Variants in ATP2B1 observed in about 807,000 individuals in gnomAD.
The protein encoded by ATP2B1 is plasma membrane calcium-transporting ATPase 1.
Under a neutral mutation model 124.2 loss-of-function variants are expected in ATP2B1, and 14 were observed. The ratio of observed to expected loss-of-function variants is 0.11; its 90% CI spans 0.07 to 0.18. ATP2B1 has a LOEUF of 0.18. ATP2B1 is among the 10% of genes least tolerant of loss of function. The pLI is 1.00. For missense variants in ATP2B1, 763 were observed against 1,466.1 expected, an observed-to-expected ratio of 0.52 and a Z score of 7.83; for synonymous variants, 449 against 492.4, an observed-to-expected ratio of 0.91 and a Z score of 1.17.
intron 12 of ATP2B1, among the ~76,000 whole-genome samples, chr12:89,613,633 G>T (rs1057448809): frequency 1.3e-5 from 2 of 152,090 alleles, no homozygotes; most frequent in African/African-American, 4.8e-5. Context: ...TTAAATTTTT[G>T]TATCTAAGCA....
chr12:89,598,039 C>CAAAAAAAAAAAAAAAAAAAAAA (rs10661138), intron 20 of ATP2B1, among the ~76,000 whole-genome samples: 1 of 60,526 alleles, frequency 1.7e-5, no homozygotes, highest in Non-Finnish European at 2.8e-5. Flanking sequence ...CACAACCAAG[C>CAAAAAAAAAAAAAAAAAAAAAA]AAAAAAAAAA....
intron 15 of ATP2B1, 52 bp downstream of exon 15, chr12:89,609,885 A>G: frequency 6.5e-7 from 1 of 1,536,798 alleles, no homozygotes; most frequent in South Asian, 1.1e-5. Context: ...CAAACAAACA[A>G]ACAAACCAGT....
chr12:89,609,325 A>T (rs1398525494), intron 15 of ATP2B1, among the ~76,000 whole-genome samples: 1 of 152,184 alleles, frequency 6.6e-6, no homozygotes, highest in African/African-American at 2.4e-5. Flanking sequence ...TTTGCAATCA[A>T]ATGAGTCTGC....
intron 1 of ATP2B1, among the ~76,000 whole-genome samples, chr12:89,687,848 A>C (rs1890139117): frequency 6.6e-6 from 1 of 152,126 alleles, no homozygotes; most frequent in South Asian, 2.1e-4. Context: ...GAACCATTAA[A>C]ACATATCCAA....
chr12:89,608,931 G>A lies in ATP2B1; in HGVS notation c.2442+1006C>T, dbSNP rs147945561. Among the ~76,000 whole-genome samples the A allele has an allele frequency of 2.3e-3, 355 of 152,204 alleles. 2 individuals are homozygous for A. The highest frequency in any genetic ancestry group is 8.0e-3 in the African/African-American group (333 of 41,534). On this transcript the variant is annotated intron_variant, in intron 15 of 20. Coordinates refer to ENST00000428670, the MANE Select transcript of ATP2B1 (RefSeq NM_001366521.1). Reference sequence around the variant, plus strand: ...ATTTAAATTTGGGATGGGGTAGGGCGGGGGATCTTTGGATTCCCTGCTTTT... The same window carrying A: ...ATTTAAATTTGGGATGGGGTAGGGCAGGGGATCTTTGGATTCCCTGCTTTT...
chr12:89,643,065 T>TATACACACACAC (rs1555201598), intron 2 of ATP2B1, among the ~76,000 whole-genome samples: 2 of 143,640 alleles, frequency 1.4e-5, no homozygotes, highest in African/African-American at 5.2e-5. Flanking sequence ...TAAAGATACA[T>TATACACACACAC]ACACACACAC....
At chr12:89,672,188 C>T (rs1465498192) in intron 1 of ATP2B1, among the ~76,000 whole-genome samples, 1 of 152,192 alleles carries the variant, frequency 6.6e-6, no homozygotes, top group African/African-American at 2.4e-5. Context: ...GGTGCAGTGG[C>T]TCACGCCTGT....
In ATP2B1 at chr12:89,698,090, C is replaced by T. The variant is rs1479857312; in HGVS notation, c.-222+10506G>A. On this transcript the variant is annotated intron_variant, in intron 1 of 20. Coordinates refer to ENST00000428670, the MANE Select transcript of ATP2B1 (RefSeq NM_001366521.1). ...TTCACCATTTTGGCCAGGCTGGTCT[C>T]GAACTCCTGACCTCAAGTGATCCAC... Among the ~76,000 whole-genome samples the T allele has an allele frequency of 5.3e-5, 8 of 151,998 alleles. 1 individual carries two copies. The highest frequency in any genetic ancestry group is 1.3e-4 in the Admixed American group (2 of 15,260).
At chr12:89,595,449 TA>T (rs1324144285) in intron 20 of ATP2B1, among the ~76,000 whole-genome samples, 1 of 152,086 alleles carries the variant, frequency 6.6e-6, no homozygotes, top group Admixed American at 6.6e-5. Context: ...TAGAGACCTG[TA>T]AGAGTGAAGA....
At position 89,616,970 on chromosome 12, in the gene ATP2B1, T is replaced by C; in HGVS notation, c.1899A>G (p.Val633=). 3.7e-6 allele frequency: 6 copies of C among 1,614,122 alleles called. No homozygotes were observed. The highest frequency in any genetic ancestry group is 5.1e-6 in the Non-Finnish European group (6 of 1,179,978). ...ATGCCATCGGTTCAATCACAGTTTTTACAATATCATCACGGTCCCTTGGTC... is the reference window on the plus strand; with the variant it reads ...ATGCCATCGGTTCAATCACAGTTTTCACAATATCATCACGGTCCCTTGGTC... ...VFRPRDRDDI[V]KTVIEPMASE... The change falls in exon 12 of 21, where the codon GTA becomes GTG. Residue 633 remains valine (V), a synonymous_variant. Coordinates refer to ENST00000428670, the MANE Select transcript of ATP2B1 (RefSeq NM_001366521.1).
intron 20 of ATP2B1, among the ~76,000 whole-genome samples, chr12:89,596,322 C>T (rs1874606818): frequency 1.3e-5 from 2 of 152,024 alleles, no homozygotes; most frequent in Non-Finnish European, 2.9e-5. Flanking sequence ...TAGAACCCTT[C>T]ATAAGACAAT....
intron 1 of ATP2B1, among the ~76,000 whole-genome samples, chr12:89,697,779 T>A (rs959412248): frequency 7.0e-6 from 1 of 143,734 alleles, no homozygotes; most frequent in African/African-American, 2.5e-5. Flanking sequence ...CATTTTCTAC[T>A]CTGAAGCAAC....
intron 1 of ATP2B1, among the ~76,000 whole-genome samples, chr12:89,702,535 A>G (rs1259365012): frequency 6.6e-6 from 1 of 152,230 alleles, no homozygotes; most frequent in Non-Finnish European, 1.5e-5. Context: ...ATAGATCCAC[A>G]TTGTTAATAA....
At chr12:89,598,703 T>C (rs756411545) in intron 20 of ATP2B1, 3 of 1,614,026 alleles carry the variant, frequency 1.9e-6, no homozygotes, top group Non-Finnish European at 2.5e-6. Flanking sequence ...TAGAGCCCCC[T>C]GAATGGAACT....
Position 89,642,309 on chromosome 12 carries a change from A to G in ATP2B1, c.255T>C (p.Phe85=). ...TTTTAGGAGGTATAAAATTCTTTCC[A>G]AACACTGCTTCTCTTCTTTCTAAAT... is the stretch of plus-strand genomic sequence containing the variant. ...PADLERREAV[F]GKNFIPPKKP... The change falls in exon 3 of 21, where the codon TTT becomes TTC. Residue 85 remains phenylalanine (F), a synonymous_variant. Transcript: ENST00000428670. The G allele has an allele frequency of 1.2e-6, 2 of 1,613,824 alleles. No homozygotes were observed. The highest frequency in any genetic ancestry group is 1.7e-6 in the Non-Finnish European group (2 of 1,179,930).
At chr12:89,618,900 A>G (rs542329232) in intron 11 of ATP2B1, among the ~76,000 whole-genome samples, 2 of 152,246 alleles carry the variant, frequency 1.3e-5, no homozygotes, top group Non-Finnish European at 2.9e-5. Flanking sequence ...AATTAAAAGT[A>G]TATCTTAAAC....
At chr12:89,630,936 T>G (rs1881772000) in intron 5 of ATP2B1, among the ~76,000 whole-genome samples, 1 of 151,774 alleles carries the variant, frequency 6.6e-6, no homozygotes, top group East Asian at 1.9e-4. Flanking sequence ...CTCTGCTAAT[T>G]TTTTTAAAAA....
chr12:89,697,364 G>A (rs1323617501), intron 1 of ATP2B1, among the ~76,000 whole-genome samples: 2 of 152,158 alleles, frequency 1.3e-5, no homozygotes, highest in African/African-American at 4.8e-5. Context: ...CAAAGTAGAG[G>A]ATGACTGGAG....
At chr12:89,649,516 A>T (rs1270291586) in intron 2 of ATP2B1, among the ~76,000 whole-genome samples, 1 of 152,228 alleles carries the variant, frequency 6.6e-6, no homozygotes, top group Non-Finnish European at 1.5e-5. Context: ...CCTGTACCAC[A>T]ACTGCATCTT....
Sources: allele counts gnomAD v4.1 joint callset (sites outside exome capture counted in the v4.1 genomes callset), GRCh38; gene constraint gnomAD v4.1.1; transcripts MANE v1.5; gene names NCBI Gene and HGNC (gene_info 2026-07-23, HGNC 2026-07-21).